Variants in TTC33 observed in about 807,000 individuals in gnomAD.
TTC33 encodes tetratricopeptide repeat domain 33.
Under a neutral mutation model 29.4 loss-of-function variants are expected in TTC33, and 24 were observed. That is an observed-to-expected ratio of 0.82 (90% CI 0.59 to 1.15). TTC33 has a LOEUF of 1.15. Among genes scored for constraint, TTC33 ranks in the 50% most tolerant of loss-of-function variants. The probability of loss-of-function intolerance (pLI) is 0.00; values close to 1 mark genes in which losing one functional copy is unlikely to be tolerated. For missense variants in TTC33, 286 were observed against 310.4 expected (o/e 0.92, Z 0.59); for synonymous variants, 107 against 100.3 (o/e 1.07, Z -0.40).
At chr5:40,747,126 T>C in intron 1 of TTC33, 107 bp from the exon 2 acceptor site, 1 of 976,144 alleles carries the variant, frequency 1.0e-6, no homozygotes, top group East Asian at 2.6e-5. Flanking sequence ...TGGCACGACC[T>C]CGGCTCACCG....
chr5:40,741,544 T>C (rs1742695009), intron 2 of TTC33, among the ~76,000 whole-genome samples: 1 of 152,184 alleles, frequency 6.6e-6, no homozygotes, highest in African/African-American at 2.4e-5. Context: ...TCTGAGTAGC[T>C]TCCTCTTCTC....
intron 1 of TTC33, among the ~76,000 whole-genome samples, chr5:40,747,859 C>G (rs538135105): frequency 1.3e-5 from 2 of 152,070 alleles, no homozygotes; most frequent in Non-Finnish European, 2.9e-5. Flanking sequence ...AAGTTTTGCT[C>G]TTGTTGCCCA....
At chr5:40,736,531 G>A (rs887347163) in intron 2 of TTC33, among the ~76,000 whole-genome samples, 1 of 152,056 alleles carries the variant, frequency 6.6e-6, no homozygotes, top group African/African-American at 2.4e-5. Context: ...GACTAACACC[G>A]TGACTCTTGA....
At chr5:40,728,601 T>TA (rs1371700721) in intron 3 of TTC33, 125 bp from the exon 4 acceptor site, 1 of 845,270 alleles carries the variant, frequency 1.2e-6, no homozygotes, top group East Asian at 2.9e-5. Flanking sequence ...CGGTGATTTT[T>TA]ACCCCTTACT....
At chr5:40,746,041 G>T (rs573307576) in intron 2 of TTC33, among the ~76,000 whole-genome samples, 93 of 151,990 alleles carry the variant, frequency 6.1e-4, no homozygotes, top group Non-Finnish European at 1.1e-3. Context: ...TCCCTCCAGG[G>T]TCCATCTTTG....
intron 4 of TTC33, among the ~76,000 whole-genome samples, chr5:40,722,724 G>A (rs868578614): frequency 1.6e-4 from 25 of 151,590 alleles, no homozygotes; most frequent in Admixed American, 1.0e-3. Context: ...CGCCCCGTCC[G>A]GGAGGTGGCG....
At chr5:40,724,693 CTT>C (rs1447386606) in intron 4 of TTC33, among the ~76,000 whole-genome samples, 1 of 151,718 alleles carries the variant, frequency 6.6e-6, no homozygotes, top group Non-Finnish European at 1.5e-5. Flanking sequence ...CATAAACAAA[CTT>C]TATTTTTCAA....
chr5:40,744,486 A>AG (rs1437037197), intron 2 of TTC33, among the ~76,000 whole-genome samples: 1 of 50,082 alleles, frequency 2.0e-5, no homozygotes, highest in Non-Finnish European at 3.4e-5. Flanking sequence ...CACTCTTACC[A>AG]GTTTTTTTTT....
chr5:40,716,390 G>T lies in TTC33; in HGVS notation c.544C>A (p.Gln182Lys). ...GGTGCTTCACTTTTTTTAATCCTCT[G>T]TGCTACCTTCTGCTGCTCCTGGAGC... is the stretch of plus-strand genomic sequence containing the variant. ...RTLQEQQKVA[Q>K]RIKKSEAPAE... The change falls in exon 5 of 5, where the codon CAG (glutamine) becomes AAG (lysine). Residue 182 changes from glutamine (Q) to lysine (K), a missense_variant. Transcript: ENST00000337702. 1 of 1,613,982 alleles carries T rather than the reference G, an allele frequency of 6.2e-7. No individual in the cohort carries two copies. Among genetic ancestry groups the T allele is most frequent in the African/African-American group, 1.3e-5 (1 of 75,022 alleles).
chr5:40,751,914 G>T (rs1484480257), intron 1 of TTC33, among the ~76,000 whole-genome samples: 1 of 149,364 alleles, frequency 6.7e-6, no homozygotes, highest in Non-Finnish European at 1.5e-5. Flanking sequence ...CCAAGATCAT[G>T]CCATTGCACT....
intron 4 of TTC33, among the ~76,000 whole-genome samples, chr5:40,724,490 A>G (rs185543724): frequency 9.5e-4 from 145 of 152,150 alleles, no homozygotes; most frequent in Non-Finnish European, 1.6e-3. Context: ...AAAATTAGCC[A>G]GACATGGTGG....
intron 4 of TTC33, among the ~76,000 whole-genome samples, chr5:40,722,816 G>C (rs529367531): frequency 6.6e-6 from 1 of 150,404 alleles, no homozygotes; most frequent in African/African-American, 2.4e-5. Flanking sequence ...TCCGGGAGGT[G>C]GGGGGCGCAG....
chr5:40,731,272 C>G (rs1027074188), intron 2 of TTC33, among the ~76,000 whole-genome samples: 3 of 152,094 alleles, frequency 2.0e-5, no homozygotes, highest in African/African-American at 7.2e-5. Context: ...CTTTTTTCTA[C>G]CACTCCCTAC....
Position 40,715,202 on chromosome 5 carries a change from G to C in TTC33, c.*943C>G, listed in dbSNP as rs535686856. On this transcript the variant is annotated 3_prime_UTR_variant, in exon 5 of 5. Coordinates refer to ENST00000337702, the MANE Select transcript of TTC33 (RefSeq NM_012382.3). The stretch of plus-strand genomic sequence containing the variant: ...TTGTAATTATTTTTCATTTCACTGA[G>C]TAGTTTCAAAAAAAGTTATCTAGAA... 2 of 152,004 alleles carry C rather than the reference G, an allele frequency of 1.3e-5. No individual in the cohort carries two copies. The highest frequency in any genetic ancestry group is 4.8e-5 in the African/African-American group (2 of 41,518). The allele number at this position is 152,004 out of a possible 1,614,324, so 9.4% of individuals were successfully genotyped here.
At chr5:40,735,991 G>A (rs1456611589) in intron 2 of TTC33, among the ~76,000 whole-genome samples, 1 of 152,192 alleles carries the variant, frequency 6.6e-6, no homozygotes, top group Non-Finnish European at 1.5e-5. Flanking sequence ...CTTTTTAAAT[G>A]GATGTTATCA....
At position 40,726,604 on chromosome 5, in the gene TTC33, G is replaced by C. The variant is rs1661845326; in HGVS notation, c.435+1741C>G. 4.7e-5 allele frequency among the ~76,000 whole-genome samples: 3 copies of C among 63,688 alleles called. No homozygotes were observed. In the Admixed American group the frequency reaches 7.2e-4, roughly 15 times the overall value. The allele number at this position is 63,688 out of a possible 152,430, so 41.8% of individuals were successfully genotyped here. ...GAATTTCACAGTATTAATGAATAGA[G>C]CCATATCAACAGAAAAAAAAAAAGT... On this transcript the variant is annotated intron_variant, in intron 4 of 4. Transcript: ENST00000337702.
At chr5:40,726,312 T>C (rs1473406682) in intron 4 of TTC33, among the ~76,000 whole-genome samples, 3 of 151,892 alleles carry the variant, frequency 2.0e-5, no homozygotes, top group African/African-American at 4.8e-5. Flanking sequence ...ACTACTGACT[T>C]TTAATTTACT....
intron 2 of TTC33, among the ~76,000 whole-genome samples, chr5:40,739,430 A>C (rs1196355342): frequency 6.6e-6 from 1 of 152,176 alleles, no homozygotes; most frequent in East Asian, 1.9e-4. Flanking sequence ...ATCTCATGTC[A>C]AATTGTAATC....
At chr5:40,722,384 G>A (rs555471672) in intron 4 of TTC33, among the ~76,000 whole-genome samples, 14 of 151,898 alleles carry the variant, frequency 9.2e-5, no homozygotes, top group Non-Finnish European at 1.6e-4. Context: ...GGGATGTGAG[G>A]AGCCCCTCTG....
Sources: allele counts gnomAD v4.1 joint callset (sites outside exome capture counted in the v4.1 genomes callset), GRCh38; gene constraint gnomAD v4.1.1; transcripts MANE v1.5; gene names NCBI Gene and HGNC (gene_info 2026-07-23, HGNC 2026-07-21).